EVL: variants seen among roughly 807,000 people sequenced by gnomAD.
EVL encodes ena/VASP-like protein.
Under a neutral mutation model 59.6 loss-of-function variants are expected in EVL, and 21 were observed. The observed-to-expected ratio is 0.35, with a 90% CI of 0.25 to 0.51. The LOEUF (loss-of-function observed/expected upper bound fraction) is 0.51. Ranked by LOEUF, EVL falls within the 20% of genes least tolerant of loss-of-function variation. The pLI is 0.97. For synonymous variants in EVL, 198 were observed against 203.5 expected (o/e 0.97, Z 0.23); for missense variants, 462 against 546.6 (o/e 0.85, Z 1.54).
intron 2 of EVL, 60 bp from the exon 3 acceptor site, chr14:100,097,421 C>G: frequency 6.7e-7 from 1 of 1,490,984 alleles, no homozygotes; most frequent in South Asian, 1.3e-5. Flanking sequence ...CATCGCAGCG[C>G]CCTCGAGCTC....
chr14:100,039,279 C>T (rs2061432725), intron 1 of EVL, among the ~76,000 whole-genome samples: 1 of 152,224 alleles, frequency 6.6e-6, no homozygotes, highest in Admixed American at 6.5e-5. Context: ...TCTTGTTCCC[C>T]ATGCTGGAGT....
intron 1 of EVL, among the ~76,000 whole-genome samples, chr14:100,065,977 C>G (rs952964694): frequency 6.6e-6 from 1 of 152,086 alleles, no homozygotes; most frequent in African/African-American, 2.4e-5. Flanking sequence ...GAGTCCTGAC[C>G]CTCCACTTGA....
intron 8 of EVL, chr14:100,135,568 A>G: frequency 3.3e-6 from 1 of 299,488 alleles, no homozygotes; most frequent in Non-Finnish European, 6.5e-6. Flanking sequence ...CGGGGTGCTC[A>G]TGAGAAGTCA....
At chr14:99,981,439 T>C (rs781541586) in intron 1 of EVL, among the ~76,000 whole-genome samples, 31 of 151,988 alleles carry the variant, frequency 2.0e-4, no homozygotes, top group Non-Finnish European at 4.0e-4. Flanking sequence ...AAAAATAAAA[T>C]TAAAAAAAAG....
intron 3 of EVL, among the ~76,000 whole-genome samples, chr14:100,113,919 C>A (rs1458944521): frequency 1.3e-5 from 2 of 152,072 alleles, no homozygotes; most frequent in African/African-American, 2.4e-5. Flanking sequence ...CCCACATGGA[C>A]CAGTGGAGAA....
chr14:100,066,908 T>C (rs921991312), intron 1 of EVL, among the ~76,000 whole-genome samples: 3 of 152,238 alleles, frequency 2.0e-5, no homozygotes, highest in Non-Finnish European at 4.4e-5. Flanking sequence ...TTTTATGTTT[T>C]CTATGTATTC....
chr14:100,028,136 T>TTG lies in EVL; in HGVS notation c.5+56080_5+56081insGT, dbSNP rs1555413993. 3.0e-3 allele frequency among the ~76,000 whole-genome samples: 358 copies of TTG among 121,024 alleles called. 3 individuals are homozygous for TTG. The highest frequency in any genetic ancestry group is 0.014 in the African/African-American group (339 of 24,980). The allele number at this position is 121,024 out of a possible 152,430, so 79.4% of individuals were successfully genotyped here. A position where few individuals can be genotyped will look rare whatever the true frequency, so the allele number is the denominator to read the frequency against. ...TTTAGTTGTTTTTTTGTTTGTTTGT[T>TTG]TTTTTTTTTTTTTTTGAGGAACCTC... On this transcript the variant is annotated intron_variant, in intron 1 of 13. Transcript: ENST00000402714.
intron 1 of EVL, among the ~76,000 whole-genome samples, chr14:100,056,888 T>G (rs2061742101): frequency 6.6e-6 from 1 of 150,594 alleles, no homozygotes; most frequent in Non-Finnish European, 1.5e-5. Flanking sequence ...AGAATTGGGC[T>G]GCCCACAATT....
chr14:100,080,292 G>T (rs2062268677), intron 1 of EVL, among the ~76,000 whole-genome samples: 12 of 152,174 alleles, frequency 7.9e-5, no homozygotes, highest in Admixed American at 7.9e-4. Flanking sequence ...GCTGTCCTGG[G>T]CCACATGCGG....
intron 1 of EVL, among the ~76,000 whole-genome samples, chr14:100,080,428 G>C (rs2062271827): frequency 6.6e-6 from 1 of 152,190 alleles, no homozygotes; most frequent in Admixed American, 6.5e-5. Context: ...CTCATGGACA[G>C]AGCTCAGCGA....
upstream of EVL, among the ~76,000 whole-genome samples, chr14:100,063,387 T>C (rs918984924): frequency 5.9e-5 from 9 of 152,206 alleles, no homozygotes; most frequent in African/African-American, 2.2e-4. Flanking sequence ...AAGAGAGACC[T>C]ATGTGGAACT....
chr14:99,972,193 T>C lies in EVL; in HGVS notation c.5+136T>C. The C allele has an allele frequency of 5.1e-6, 1 of 194,868 alleles. No homozygotes were observed. Among genetic ancestry groups the C allele is most frequent in the Non-Finnish European group, 1.0e-5 (1 of 95,450 alleles). 12.1% of individuals were successfully genotyped at this position (194,868 alleles called of 1,614,324 possible). Reference sequence around the variant, plus strand: ...GGCTTCCAGAGAACCGCGGGGGCTCTGCAGAGATTCGGGGGCATTCAGAGC... The same window carrying C: ...GGCTTCCAGAGAACCGCGGGGGCTCCGCAGAGATTCGGGGGCATTCAGAGC... On this transcript the variant is annotated intron_variant, in intron 1 of 13. Coordinates refer to the EVL transcript ENST00000402714. The surrounding 1 kb of genome is among the most constrained non-coding windows in gnomAD (Gnocchi z 4.4).
intron 1 of EVL, among the ~76,000 whole-genome samples, chr14:99,973,206 C>T (rs1032296087): frequency 2.6e-5 from 4 of 152,128 alleles, no homozygotes; most frequent in African/African-American, 9.7e-5. Flanking sequence ...GCGGTAAACA[C>T]CAAGTTGCCA....
chr14:100,119,113 G>T (rs953381929), intron 3 of EVL, among the ~76,000 whole-genome samples: 2 of 152,218 alleles, frequency 1.3e-5, no homozygotes, highest in Admixed American at 1.3e-4. Context: ...CACCATGAAT[G>T]CCCAGCCACC....
chr14:100,076,654 G>C (rs573589289), intron 1 of EVL, among the ~76,000 whole-genome samples: 23 of 152,324 alleles, frequency 1.5e-4, no homozygotes, highest in Non-Finnish European at 2.6e-4. Flanking sequence ...TTAGTGGGTC[G>C]GCTTGGGTCA....
chr14:100,055,937 G>A (rs914578010), intron 1 of EVL, among the ~76,000 whole-genome samples: 7 of 151,936 alleles, frequency 4.6e-5, no homozygotes, highest in East Asian at 1.9e-4. Context: ...TCAGCATCCC[G>A]AGTAGCTGGG....
intron 1 of EVL, among the ~76,000 whole-genome samples, chr14:100,065,998 G>A (rs1415836760): frequency 6.6e-6 from 1 of 152,164 alleles, no homozygotes; most frequent in Non-Finnish European, 1.5e-5. Flanking sequence ...GAGACTTGTG[G>A]ACTTAGGCTA....
intron 1 of EVL, among the ~76,000 whole-genome samples, chr14:99,985,653 G>T (rs2060835175): frequency 6.6e-6 from 1 of 152,102 alleles, no homozygotes; most frequent in African/African-American, 2.4e-5. Context: ...TGTAATCCCA[G>T]CTACTTGGGA....
At chr14:100,055,013 C>A (rs142188948) in intron 1 of EVL, among the ~76,000 whole-genome samples, 1,960 of 152,082 alleles carry the variant, frequency 0.013, 42 homozygotes, top group African/African-American at 0.045. Flanking sequence ...CCAGCCTGAC[C>A]AAAATGGTGA....
Sources: allele counts gnomAD v4.1 joint callset (sites outside exome capture counted in the v4.1 genomes callset), GRCh38; gene constraint gnomAD v4.1.1; non-coding constraint Gnocchi (gnomAD v3.1); transcripts MANE v1.5; gene names NCBI Gene and HGNC (gene_info 2026-07-23, HGNC 2026-07-21).